BRWD1: variants seen among roughly 807,000 people sequenced by gnomAD.
The protein encoded by BRWD1 is bromodomain and WD repeat domain containing 1.
A neutral mutation model predicts 251.2 loss-of-function variants in BRWD1; 82 were observed. The observed-to-expected ratio is 0.33, with a 90% CI of 0.27 to 0.39. BRWD1 has a LOEUF of 0.39. Ranked by LOEUF, BRWD1 falls within the 10% of genes least tolerant of loss-of-function variation. BRWD1 has a pLI of 1.00. For synonymous variants in BRWD1, 918 were observed against 902.8 expected (o/e 1.02, Z -0.30); for missense variants, 2,233 against 2,711.6 (o/e 0.82, Z 3.92).
chr21:39,263,771 A>G (rs758575754), intron 17 of BRWD1, among the ~76,000 whole-genome samples: 16 of 152,216 alleles, frequency 1.1e-4, no homozygotes, highest in South Asian at 2.1e-4. Flanking sequence ...GGTTATTGAC[A>G]TATCTCCCCA....
chr21:39,202,266 G>T, intron 38 of BRWD1, 59 bp downstream of exon 38: 1 of 1,272,108 alleles, frequency 7.9e-7, no homozygotes, highest in Non-Finnish European at 1.1e-6. Context: ...CTCTAGTAAC[G>T]GCCAGTGTTA....
intron 15 of BRWD1, among the ~76,000 whole-genome samples, chr21:39,267,498 C>A (rs566991471): frequency 1.3e-5 from 2 of 152,268 alleles, no homozygotes; most frequent in African/African-American, 4.8e-5. Flanking sequence ...ACTTGAGAGG[C>A]TGAGGCGGGA....
chr21:39,282,129 G>C (rs2035488288), intron 8 of BRWD1, among the ~76,000 whole-genome samples: 1 of 151,678 alleles, frequency 6.6e-6, no homozygotes, highest in African/African-American at 2.4e-5. Context: ...TAAAAAATTA[G>C]CCAGGCATGG....
At chr21:39,223,699 G>A (rs1037889430) in intron 29 of BRWD1, among the ~76,000 whole-genome samples, 1 of 152,136 alleles carries the variant, frequency 6.6e-6, no homozygotes, top group African/African-American at 2.4e-5. Context: ...TTAAATAGTT[G>A]TCTATTTCAG....
chr21:39,224,124 A>G (rs549888964), intron 29 of BRWD1, among the ~76,000 whole-genome samples: 1 of 152,362 alleles, frequency 6.6e-6, no homozygotes, highest in South Asian at 2.1e-4. Flanking sequence ...TGCTGAGATT[A>G]CAGGCGTGAG....
At chr21:39,224,554 T>A (rs2033306465) in intron 28 of BRWD1, 85 bp from the exon 29 acceptor site, 1 of 898,406 alleles carries the variant, frequency 1.1e-6, no homozygotes, top group Non-Finnish European at 1.7e-6. Context: ...ATACAAAATG[T>A]GAAAATTAAC....
chr21:39,301,073 G>T (rs1319509609), intron 4 of BRWD1, among the ~76,000 whole-genome samples: 1 of 152,008 alleles, frequency 6.6e-6, no homozygotes, highest in Non-Finnish European at 1.5e-5. Flanking sequence ...CAGCTGCTGG[G>T]GAGACTGAGG....
chr21:39,242,432 G>C (rs917979872), intron 21 of BRWD1, among the ~76,000 whole-genome samples: 2 of 152,188 alleles, frequency 1.3e-5, no homozygotes, highest in African/African-American at 4.8e-5. Context: ...TGCAGAGGTT[G>C]GTTCATGAGG....
chr21:39,282,880 A>G (rs1037527249), intron 8 of BRWD1, among the ~76,000 whole-genome samples: 2 of 150,736 alleles, frequency 1.3e-5, no homozygotes, highest in African/African-American at 4.9e-5. Context: ...AATCGCTTGA[A>G]CCTGGAAGGC....
chr21:39,312,203 T>G (rs1337946401), intron 4 of BRWD1, among the ~76,000 whole-genome samples: 1 of 152,188 alleles, frequency 6.6e-6, no homozygotes, highest in East Asian at 1.9e-4. Context: ...GAAAAGTGCC[T>G]ATTTAAAGCA....
At chr21:39,314,373 A>T (rs2036647206), upstream of BRWD1, 1 of 455,116 alleles carries the variant, frequency 2.2e-6, no homozygotes, top group African/African-American at 2.0e-5. Context: ...TCGGGGGAGC[A>T]GCGCGCAGCT....
rs1313146056 is a variant in BRWD1, at chr21:39,218,140, G to A, written c.3659+12C>T. The A allele has an allele frequency of 6.3e-7, 1 of 1,588,052 alleles. No homozygotes were observed. Among genetic ancestry groups the A allele is most frequent in the Non-Finnish European group, 8.5e-7 (1 of 1,172,362 alleles). On this transcript the variant is annotated intron_variant, in intron 31 of 40. Coordinates refer to ENST00000342449, the MANE Select transcript of BRWD1 (RefSeq NM_033656.4). ...AGCTTTTTAAACATTTTGAAAGCAGGTTTCTACTAACCTGTAAAATCGATT... is the reference window on the plus strand; with the variant it reads ...AGCTTTTTAAACATTTTGAAAGCAGATTTCTACTAACCTGTAAAATCGATT...
chr21:39,261,346 T>C (rs555946862), intron 17 of BRWD1, among the ~76,000 whole-genome samples: 1 of 152,086 alleles, frequency 6.6e-6, no homozygotes, highest in South Asian at 2.1e-4. Context: ...GGACAGAAAA[T>C]AGTTCAAGTT....
At chr21:39,314,550 G>A, upstream of BRWD1, 3 of 348,498 alleles carry the variant, frequency 8.6e-6, no homozygotes, top group Non-Finnish European at 1.7e-5. Flanking sequence ...TGTGAGGTTG[G>A]AGAGGTGGAC....
intron 25 of BRWD1, among the ~76,000 whole-genome samples, chr21:39,230,436 A>G (rs1196128715): frequency 6.6e-6 from 1 of 152,260 alleles, no homozygotes; most frequent in Admixed American, 6.5e-5. Context: ...CACCTAGAAC[A>G]CTGAAATAAA....
chr21:39,221,408 C>A (rs2033172712), intron 29 of BRWD1, among the ~76,000 whole-genome samples: 1 of 151,854 alleles, frequency 6.6e-6, no homozygotes, highest in Admixed American at 6.6e-5. Context: ...ATTTTCCAAA[C>A]ATAAAACTAA....
intron 21 of BRWD1, among the ~76,000 whole-genome samples, chr21:39,239,307 T>C (rs1436210278): frequency 1.3e-5 from 2 of 152,154 alleles, no homozygotes; most frequent in African/African-American, 2.4e-5. Context: ...AGAAGTTTTA[T>C]GGTTTTTTTG....
chr21:39,236,733 C>A lies in BRWD1; in HGVS notation c.2628G>T (p.Leu876Phe). The A allele has an allele frequency of 6.2e-7, 1 of 1,614,020 alleles. No individual in the cohort carries two copies. Among genetic ancestry groups the A allele is most frequent in the South Asian group, 1.1e-5 (1 of 91,072 alleles). The stretch of plus-strand genomic sequence containing the variant: ...GACATGATGTTCTTAAAGGAGGCTG[C>A]AAATTGATGCCCGCATCAGCTGTCC... ...SDWTADAGIN[L>F]QPPLRTSCRR... The change falls in exon 23 of 41, where the codon TTG (leucine) becomes TTT (phenylalanine). Residue 876 changes from leucine (L) to phenylalanine (F), a missense_variant. Coordinates refer to ENST00000342449, the MANE Select transcript of BRWD1 (RefSeq NM_033656.4).
At chr21:39,198,708 A>C in intron 40 of BRWD1, 55 bp downstream of exon 40, 19 of 1,458,088 alleles carry the variant, frequency 1.3e-5, no homozygotes, top group Non-Finnish European at 1.7e-5. Context: ...AATGTGTGTA[A>C]GAGAAAAGGA....
Sources: allele counts gnomAD v4.1 joint callset (sites outside exome capture counted in the v4.1 genomes callset), GRCh38; gene constraint gnomAD v4.1.1; transcripts MANE v1.5; gene names NCBI Gene and HGNC (gene_info 2026-07-23, HGNC 2026-07-21).